Variants in SCFD2 observed in about 807,000 individuals in gnomAD.
SCFD2 encodes the protein sec1 family domain-containing protein 2.
In SCFD2, 54 loss-of-function variants were observed where a neutral mutation model predicts 58.9. The ratio of observed to expected loss-of-function variants is 0.92; its 90% confidence interval spans 0.74 to 1.15. The LOEUF is 1.15. Among genes scored for constraint, SCFD2 ranks in the 50% most tolerant of loss-of-function variants. The pLI, the probability that SCFD2 is intolerant of heterozygous loss-of-function variation, is 0.00. For missense variants in SCFD2, 805 were observed against 836.6 expected, an observed-to-expected ratio of 0.96 and a Z score of 0.47; for synonymous variants, 321 against 335.9, an observed-to-expected ratio of 0.96 and a Z score of 0.49.
chr4:52,992,217 C>T (rs547889779), intron 5 of SCFD2, among the ~76,000 whole-genome samples: 8 of 152,242 alleles, frequency 5.3e-5, no homozygotes, highest in Admixed American at 3.3e-4. Flanking sequence ...TTGGTGGAGA[C>T]GGGGTTTCGC....
At chr4:53,100,229 T>C (rs147984459) in intron 5 of SCFD2, among the ~76,000 whole-genome samples, 2,207 of 152,276 alleles carry the variant, frequency 0.014, 20 homozygotes, top group Middle Eastern at 0.034. Flanking sequence ...AGTTATTTAA[T>C]TTGCCTCAGT....
chr4:53,190,712 T>G (rs941888526), intron 4 of SCFD2, among the ~76,000 whole-genome samples: 1 of 152,196 alleles, frequency 6.6e-6, no homozygotes, highest in Admixed American at 6.5e-5. Context: ...GAATCCTCAA[T>G]GCCAAGGAAA....
intron 5 of SCFD2, among the ~76,000 whole-genome samples, chr4:53,064,508 C>T (rs543602116): frequency 1.3e-5 from 2 of 152,234 alleles, no homozygotes; most frequent in South Asian, 4.1e-4. Flanking sequence ...TTCAAAACTA[C>T]AGGCAGCATT....
chr4:52,936,252 A>C (rs2109505648), intron 5 of SCFD2, among the ~76,000 whole-genome samples: 1 of 152,198 alleles, frequency 6.6e-6, no homozygotes, highest in Admixed American at 6.5e-5. Context: ...AACTTTCCCT[A>C]AATAAACATT....
intron 7 of SCFD2, among the ~76,000 whole-genome samples, chr4:52,890,591 T>C (rs751556918): frequency 6.6e-6 from 1 of 152,222 alleles, no homozygotes; most frequent in Non-Finnish European, 1.5e-5. Flanking sequence ...TAAGGCACTT[T>C]GAAGATGAAA....
intron 5 of SCFD2, among the ~76,000 whole-genome samples, chr4:53,007,151 C>T (rs1183370958): frequency 2.0e-5 from 3 of 151,576 alleles, no homozygotes; most frequent in African/African-American, 4.9e-5. Flanking sequence ...CATGGTGGTA[C>T]GTGCCTGTAG....
chr4:52,933,467 A>T (rs1324225086), intron 5 of SCFD2, among the ~76,000 whole-genome samples: 1 of 152,212 alleles, frequency 6.6e-6, no homozygotes, highest in Admixed American at 6.5e-5. Context: ...GTTTCTGTGC[A>T]GGGACAATTT....
intron 5 of SCFD2, among the ~76,000 whole-genome samples, chr4:53,054,385 T>C (rs1225576945): frequency 6.6e-6 from 1 of 152,190 alleles, no homozygotes; most frequent in Admixed American, 6.5e-5. Context: ...ACTTAAGGCT[T>C]CTAGAGGGCA....
intron 5 of SCFD2, among the ~76,000 whole-genome samples, chr4:53,106,000 C>A (rs1289492702): frequency 2.0e-5 from 3 of 151,834 alleles, no homozygotes; most frequent in African/African-American, 7.3e-5. Context: ...GAGGAAGGAA[C>A]AGGCAGTAAT....
chr4:53,037,470 C>T (rs1722793355), intron 5 of SCFD2, among the ~76,000 whole-genome samples: 1 of 151,950 alleles, frequency 6.6e-6, no homozygotes, highest in South Asian at 2.1e-4. Context: ...TCTTATGTCT[C>T]AAGCTGAAGA....
chr4:53,235,813 G>C (rs936384018), intron 4 of SCFD2, among the ~76,000 whole-genome samples: 1 of 152,100 alleles, frequency 6.6e-6, no homozygotes, highest in Non-Finnish European at 1.5e-5. Context: ...GCATACATAC[G>C]TGTGTGCATA....
intron 2 of SCFD2, among the ~76,000 whole-genome samples, chr4:53,329,634 A>T (rs563019689): frequency 6.6e-6 from 1 of 152,334 alleles, no homozygotes; most frequent in East Asian, 1.9e-4. Flanking sequence ...ATAAAACCAC[A>T]AAGATTGGAA....
chr4:53,058,220 T>C (rs1723403345), intron 5 of SCFD2, among the ~76,000 whole-genome samples: 1 of 152,154 alleles, frequency 6.6e-6, no homozygotes, highest in Admixed American at 6.6e-5. Context: ...ATTATTAATG[T>C]TTTGCTAAAT....
At chr4:53,283,115 C>T (rs944899137) in intron 3 of SCFD2, among the ~76,000 whole-genome samples, 1 of 152,152 alleles carries the variant, frequency 6.6e-6, no homozygotes, top group Non-Finnish European at 1.5e-5. Flanking sequence ...ACTCACCAAC[C>T]AGAGCAAGGT....
intron 5 of SCFD2, among the ~76,000 whole-genome samples, chr4:53,053,567 C>T (rs1376704446): frequency 6.6e-6 from 1 of 152,174 alleles, no homozygotes; most frequent in African/African-American, 2.4e-5. Context: ...CATCTCAACT[C>T]CTGACGCTCA....
At chr4:53,247,412 T>C (rs1730123894) in intron 4 of SCFD2, among the ~76,000 whole-genome samples, 1 of 152,164 alleles carries the variant, frequency 6.6e-6, no homozygotes, top group African/African-American at 2.4e-5. Context: ...AAAATATAAA[T>C]TGTTCTATCA....
intron 7 of SCFD2, among the ~76,000 whole-genome samples, chr4:52,905,341 C>T (rs1719319320): frequency 6.6e-6 from 1 of 152,192 alleles, no homozygotes; most frequent in African/African-American, 2.4e-5. Flanking sequence ...ACTCTTTGCT[C>T]TACTGTGTGG....
At chr4:53,092,529 T>TG (rs200243951) in intron 5 of SCFD2, among the ~76,000 whole-genome samples, 2,959 of 152,170 alleles carry the variant, frequency 0.019, 70 homozygotes, top group East Asian at 0.11. Context: ...AGCCCCCAAA[T>TG]TGGAAACAAC....
chr4:53,062,464 T>C (rs1458615332), intron 5 of SCFD2, among the ~76,000 whole-genome samples: 1 of 152,170 alleles, frequency 6.6e-6, no homozygotes, highest in East Asian at 1.9e-4. Flanking sequence ...CCATACTTCC[T>C]TGTAGACAAC....
Sources: gnomAD v4.1 joint callset for allele counts (sites outside exome capture counted in the v4.1 genomes callset) on GRCh38, gnomAD v4.1.1 for gene constraint, MANE v1.5 for transcripts, NCBI Gene and HGNC (gene_info 2026-07-23, HGNC 2026-07-21) for gene names.